The following MYO1D variants were observed in gnomAD, a reference collection of about 807,000 sequenced individuals.
MYO1D encodes myosin ID.
Under a neutral mutation model 122.0 loss-of-function variants are expected in MYO1D, and 83 were observed. The ratio of observed to expected loss-of-function variants is 0.68; its 90% CI spans 0.57 to 0.82. The LOEUF is 0.82. MYO1D is among the 40% of genes least tolerant of loss of function. The pLI, the probability that MYO1D is intolerant of heterozygous loss-of-function variation, is 0.00. For synonymous variants in MYO1D, 464 were observed against 446.9 expected, an observed-to-expected ratio of 1.04 and a Z score of -0.48; for missense variants, 1,157 against 1,269.5, an observed-to-expected ratio of 0.91 and a Z score of 1.35.
intron 15 of MYO1D, among the ~76,000 whole-genome samples, chr17:32,716,359 T>C (rs2089445753): frequency 6.6e-6 from 1 of 152,232 alleles, no homozygotes; most frequent in African/African-American, 2.4e-5. Context: ...TCATACTGAT[T>C]TGTGGGTTTA....
chr17:32,503,421 C>A (rs1367341660), intron 21 of MYO1D, among the ~76,000 whole-genome samples: 2 of 152,202 alleles, frequency 1.3e-5, no homozygotes, highest in African/African-American at 4.8e-5. Flanking sequence ...GTCACTTTTC[C>A]TCTCAATGGC....
At chr17:32,509,335 T>G (rs139521600) in intron 21 of MYO1D, among the ~76,000 whole-genome samples, 143 of 152,344 alleles carry the variant, frequency 9.4e-4, no homozygotes, top group African/African-American at 3.1e-3. Context: ...CAAACATCCC[T>G]GTATTAGCTG....
intron 21 of MYO1D, among the ~76,000 whole-genome samples, chr17:32,584,874 A>T (rs181294425): frequency 4.5e-4 from 68 of 152,342 alleles, no homozygotes; most frequent in South Asian, 1.0e-3. Context: ...GGGACAAAAA[A>T]ACATTGATTT....
intron 1 of MYO1D, among the ~76,000 whole-genome samples, chr17:32,817,021 A>G (rs559767670): frequency 1.3e-5 from 2 of 152,246 alleles, no homozygotes; most frequent in East Asian, 3.8e-4. Flanking sequence ...TCAAATTTCT[A>G]TTTAATGAGG....
At chr17:32,558,516 A>C (rs1456573447) in intron 21 of MYO1D, among the ~76,000 whole-genome samples, 1 of 152,182 alleles carries the variant, frequency 6.6e-6, no homozygotes, top group East Asian at 1.9e-4. Flanking sequence ...ACCACTCTCC[A>C]TGCAAGGGCG....
rs556735596 is a variant in MYO1D at position 32,689,403 on chromosome 17, C to T, written c.2121+22585G>A. ...AAATTGAATTTCTTAAAAATACTGACGCTCATTATAGTACTAAGTTTGAAT... is the reference window on the plus strand; with the variant it reads ...AAATTGAATTTCTTAAAAATACTGATGCTCATTATAGTACTAAGTTTGAAT... On this transcript the variant is annotated intron_variant, in intron 16 of 21. Coordinates refer to ENST00000318217, the MANE Select transcript of MYO1D (RefSeq NM_015194.3). Among the ~76,000 whole-genome samples, 229 of 152,240 alleles carry T rather than the reference C, an allele frequency of 1.5e-3. 2 individuals are homozygous for T. The highest frequency in any genetic ancestry group is 1.6e-3 in the Non-Finnish European group (108 of 68,008).
At chr17:32,782,956 CCTGA>C (rs1213593019) in intron 1 of MYO1D, among the ~76,000 whole-genome samples, 1 of 144,686 alleles carries the variant, frequency 6.9e-6, no homozygotes, top group Admixed American at 6.7e-5. Context: ...AATCCAATTC[CCTGA>C]CTCAGCTGTC....
chr17:32,516,289 T>G (rs1016223766), intron 21 of MYO1D, among the ~76,000 whole-genome samples: 3 of 152,184 alleles, frequency 2.0e-5, no homozygotes, highest in Non-Finnish European at 4.4e-5. Flanking sequence ...GTGGCCATGG[T>G]CCAGTGCCTC....
intron 17 of MYO1D, among the ~76,000 whole-genome samples, chr17:32,657,711 C>A (rs915720726): frequency 1.3e-5 from 2 of 152,210 alleles, no homozygotes; most frequent in African/African-American, 4.8e-5. Context: ...ATCCCTGAAA[C>A]CTAGGTCAGT....
At chr17:32,683,790 C>A (rs547771457) in intron 16 of MYO1D, among the ~76,000 whole-genome samples, 4 of 152,290 alleles carry the variant, frequency 2.6e-5, no homozygotes, top group Middle Eastern at 3.4e-3. Context: ...AGGAGCTTCC[C>A]GGCTGCTTTG....
At chr17:32,655,572 CT>C (rs2088465086) in intron 17 of MYO1D, among the ~76,000 whole-genome samples, 2 of 152,090 alleles carry the variant, frequency 1.3e-5, no homozygotes, top group African/African-American at 4.8e-5. Flanking sequence ...CCAGAGTGTT[CT>C]AGGAAGAGAA....
At chr17:32,733,868 G>T (rs917433258) in intron 14 of MYO1D, among the ~76,000 whole-genome samples, 5 of 152,000 alleles carry the variant, frequency 3.3e-5, no homozygotes, top group Admixed American at 2.6e-4. Context: ...GTTTTCAGTT[G>T]GCTTTAGTGG....
intron 17 of MYO1D, among the ~76,000 whole-genome samples, chr17:32,655,403 G>A (rs1011677279): frequency 6.6e-6 from 1 of 152,210 alleles, no homozygotes; most frequent in African/African-American, 2.4e-5. Flanking sequence ...GTGAAGGTAA[G>A]GCAAGGAGGA....
intron 17 of MYO1D, chr17:32,658,681 TCTGGTGGTAGGAC>T (rs2088510913): frequency 1.2e-5 from 2 of 162,690 alleles, no homozygotes; most frequent in African/African-American, 4.8e-5. Flanking sequence ...AACAGGACTC[TCTGGTGGTAGGAC>T]CTGGGTGCTG....
chr17:32,705,027 TAAAA>T (rs1000251538), intron 16 of MYO1D, among the ~76,000 whole-genome samples: 2 of 152,146 alleles, frequency 1.3e-5, no homozygotes, highest in African/African-American at 4.8e-5. Flanking sequence ...GTTATTTCTT[TAAAA>T]AAAGAGATCT....
chr17:32,768,490 G>A (rs1598082598), intron 6 of MYO1D, among the ~76,000 whole-genome samples: 6 of 152,152 alleles, frequency 3.9e-5, no homozygotes, highest in Admixed American at 3.3e-4. Context: ...CAGCCGCAGA[G>A]GCTTGACCAA....
chr17:32,663,828 C>T (rs1235330997), intron 16 of MYO1D, among the ~76,000 whole-genome samples: 2 of 152,154 alleles, frequency 1.3e-5, no homozygotes, highest in Admixed American at 1.3e-4. Flanking sequence ...GAATTTCCTC[C>T]TTGTACTTCT....
In MYO1D at chr17:32,646,285, C is replaced by G. The variant is rs554558829; in HGVS notation, c.2596-7450G>C. ...TAAAACTCATGTTGAAGAACACTTA[C>G]TATCACTTGTATGAATCTTAGAGTT... On this transcript the variant is annotated intron_variant, in intron 19 of 21. Transcript: ENST00000318217. Among the ~76,000 whole-genome samples, 11 of 152,236 alleles carry G rather than the reference C, an allele frequency of 7.2e-5. No individual in the cohort carries two copies. The South Asian group carries it at 1.2e-3, about 17-fold the overall frequency.
At chr17:32,855,878 G>A (rs1459376170) in intron 1 of MYO1D, among the ~76,000 whole-genome samples, 1 of 152,192 alleles carries the variant, frequency 6.6e-6, no homozygotes, top group Non-Finnish European at 1.5e-5. Context: ...ACTAACTCAT[G>A]GATCCATGCT....
Sources: allele counts gnomAD v4.1 joint callset (sites outside exome capture counted in the v4.1 genomes callset), GRCh38; gene constraint gnomAD v4.1.1; transcripts MANE v1.5; gene names NCBI Gene and HGNC (gene_info 2026-07-23, HGNC 2026-07-21).